The following NKAIN2 variants were observed in gnomAD, a reference collection of about 807,000 sequenced individuals.
NKAIN2 encodes the protein sodium/potassium transporting ATPase interacting 2.
A neutral mutation model predicts 32.6 loss-of-function variants in NKAIN2; 14 were observed. That is an observed-to-expected ratio of 0.43 (90% confidence interval 0.28 to 0.67). The LOEUF (loss-of-function observed/expected upper bound fraction) is 0.67. NKAIN2 is among the 30% of genes least tolerant of loss of function. NKAIN2 has a pLI of 0.17. For missense variants in NKAIN2, 198 were observed against 258.3 expected, an observed-to-expected ratio of 0.77 and a Z score of 1.60; for synonymous variants, 80 against 87.2, an observed-to-expected ratio of 0.92 and a Z score of 0.46.
At chr6:124,007,722 T>TA (rs1780135302) in intron 1 of NKAIN2, among the ~76,000 whole-genome samples, 1 of 152,200 alleles carries the variant, frequency 6.6e-6, no homozygotes, top group African/African-American at 2.4e-5. Context: ...ACCAACGACT[T>TA]ACATTGAACA....
At position 124,650,363 on chromosome 6, in the gene NKAIN2, T is replaced by C. The variant is rs1003013483; in HGVS notation, c.274-7823T>C. ...TCCTTTGTACTACCAGTAAACAGAA[T>C]TTGAAATTTAAAATACAATACCATT... On this transcript the variant is annotated intron_variant, in intron 3 of 6. Coordinates refer to ENST00000368417, the MANE Select transcript of NKAIN2 (RefSeq NM_001040214.3). Among the ~76,000 whole-genome samples the C allele has an allele frequency of 2.0e-5, 3 of 152,102 alleles. No individual in the cohort carries two copies. The East Asian group carries it at 5.8e-4, about 29-fold the overall frequency.
At chr6:124,182,837 G>A (rs1789513016) in intron 1 of NKAIN2, among the ~76,000 whole-genome samples, 1 of 152,014 alleles carries the variant, frequency 6.6e-6, no homozygotes, top group African/African-American at 2.4e-5. Context: ...AGCTCAGACA[G>A]ATATATATAT....
chr6:124,248,710 A>G (rs1167950949), intron 1 of NKAIN2, among the ~76,000 whole-genome samples: 2 of 152,118 alleles, frequency 1.3e-5, no homozygotes, highest in Non-Finnish European at 2.9e-5. Flanking sequence ...TATTTTATAA[A>G]TCTTAGTACA....
chr6:124,094,183 A>C (rs1037073560), intron 1 of NKAIN2, among the ~76,000 whole-genome samples: 5 of 152,148 alleles, frequency 3.3e-5, no homozygotes, highest in Non-Finnish European at 5.9e-5. Context: ...AATACTTTTT[A>C]TCTCTCCTAA....
intron 4 of NKAIN2, among the ~76,000 whole-genome samples, chr6:124,662,860 A>G (rs912762413): frequency 6.6e-6 from 1 of 152,048 alleles, no homozygotes; most frequent in East Asian, 1.9e-4. Context: ...TATTTTTAAG[A>G]TTTGAATTCT....
At chr6:124,540,082 C>T (rs944237824) in intron 3 of NKAIN2, among the ~76,000 whole-genome samples, 1 of 152,202 alleles carries the variant, frequency 6.6e-6, no homozygotes, top group Non-Finnish European at 1.5e-5. Flanking sequence ...TTAGTGTCTT[C>T]TGTAGCAGAA....
intron 3 of NKAIN2, among the ~76,000 whole-genome samples, chr6:124,554,399 T>C (rs1422020163): frequency 6.6e-6 from 1 of 152,216 alleles, no homozygotes; most frequent in Non-Finnish European, 1.5e-5. Flanking sequence ...TTCAGTAAAA[T>C]GTTTATCAAA....
intron 3 of NKAIN2, among the ~76,000 whole-genome samples, chr6:124,416,287 T>C (rs1466548038): frequency 2.0e-5 from 3 of 152,144 alleles, no homozygotes; most frequent in Admixed American, 2.0e-4. Flanking sequence ...AAGAGAAATC[T>C]CCTCACCTAA....
chr6:123,960,332 G>A (rs1006178982), intron 1 of NKAIN2, among the ~76,000 whole-genome samples: 2 of 152,138 alleles, frequency 1.3e-5, no homozygotes, highest in East Asian at 3.9e-4. Context: ...AGCCCTTGCT[G>A]TTGTCATCAC....
chr6:124,022,560 G>A (rs1158231007), intron 1 of NKAIN2, among the ~76,000 whole-genome samples: 1 of 152,134 alleles, frequency 6.6e-6, no homozygotes, highest in Non-Finnish European at 1.5e-5. Context: ...ATATAAAATT[G>A]AGTTCCAATT....
chr6:123,933,383 T>C (rs1223483316), intron 1 of NKAIN2, among the ~76,000 whole-genome samples: 2 of 152,242 alleles, frequency 1.3e-5, no homozygotes, highest in East Asian at 1.9e-4. Flanking sequence ...TGTTACACAG[T>C]ATATAGTTTG....
chr6:123,861,287 A>G (rs913739821), intron 1 of NKAIN2, among the ~76,000 whole-genome samples: 6 of 152,260 alleles, frequency 3.9e-5, no homozygotes, highest in Non-Finnish European at 8.8e-5. Flanking sequence ...TCATTTTAGT[A>G]GCATATTTTA....
In NKAIN2 at chr6:124,825,199, C is replaced by T. The variant is rs1351410627; in HGVS notation, c.*1970C>T. ...CTATTAAAAATGAGGTTTCACTGTA[C>T]ATTCATGCTGTGATGCGATTTCACC... On this transcript the variant is annotated 3_prime_UTR_variant, in exon 7 of 7. Coordinates refer to ENST00000368417, the MANE Select transcript of NKAIN2 (RefSeq NM_001040214.3). 1 of 152,594 alleles carries T rather than the reference C, an allele frequency of 6.6e-6. No homozygotes were observed. The highest frequency in any genetic ancestry group is 1.5e-5 in the Non-Finnish European group (1 of 68,034). The allele number at this position is 152,594 out of a possible 1,614,324, so 9.5% of individuals were successfully genotyped here.
At chr6:124,160,336 G>C (rs1173351532) in intron 1 of NKAIN2, among the ~76,000 whole-genome samples, 1 of 152,064 alleles carries the variant, frequency 6.6e-6, no homozygotes, top group African/African-American at 2.4e-5. Flanking sequence ...TGCACTTTCT[G>C]TATTGCAGGC....
intron 1 of NKAIN2, among the ~76,000 whole-genome samples, chr6:123,898,222 C>T (rs2114402130): frequency 6.6e-6 from 1 of 152,286 alleles, no homozygotes; most frequent in South Asian, 2.1e-4. Context: ...TGAGCTTGTG[C>T]TCACTTGAAG....
At chr6:124,102,207 C>G (rs769224735) in intron 1 of NKAIN2, among the ~76,000 whole-genome samples, 1 of 152,176 alleles carries the variant, frequency 6.6e-6, no homozygotes, top group Non-Finnish European at 1.5e-5. Context: ...GTGCGGGGAC[C>G]ACTGCCCCTT....
intron 1 of NKAIN2, among the ~76,000 whole-genome samples, chr6:123,900,835 T>G (rs745730305): frequency 9.5e-4 from 144 of 152,238 alleles, no homozygotes; most frequent in Non-Finnish European, 7.4e-4. Context: ...GGGACATGGC[T>G]ACCTCAGACT....
At chr6:123,855,624 GC>G (rs1357770162) in intron 1 of NKAIN2, among the ~76,000 whole-genome samples, 1 of 152,166 alleles carries the variant, frequency 6.6e-6, no homozygotes, top group Non-Finnish European at 1.5e-5. Context: ...TTTTCTGTCA[GC>G]CACCCTTATG....
intron 1 of NKAIN2, among the ~76,000 whole-genome samples, chr6:124,078,028 A>C (rs1783778629): frequency 6.6e-6 from 1 of 152,162 alleles, no homozygotes. Context: ...ATGACAATGA[A>C]TTGTATTTTT....
Sources: gnomAD v4.1 joint callset for allele counts (sites outside exome capture counted in the v4.1 genomes callset) on GRCh38, gnomAD v4.1.1 for gene constraint, MANE v1.5 for transcripts, NCBI Gene and HGNC (gene_info 2026-07-23, HGNC 2026-07-21) for gene names.